Variants in UACA observed in about 807,000 individuals in gnomAD.
UACA encodes uveal autoantigen with coiled-coil domains and ankyrin repeats, also known as nuclear membrane binding protein.
In UACA, 112 loss-of-function variants were observed where a neutral mutation model predicts 160.5. That is an observed-to-expected ratio of 0.70 (90% CI 0.60 to 0.82). The LOEUF (loss-of-function observed/expected upper bound fraction) is 0.82, where lower values mean the gene tolerates loss of function less well. Ranked by LOEUF, UACA falls within the 40% of genes least tolerant of loss-of-function variation. UACA has a pLI of 0.00. For missense variants in UACA, 1,574 were observed against 1,614.6 expected (o/e 0.97, Z 0.43); for synonymous variants, 557 against 568.4 (o/e 0.98, Z 0.29).
chr15:70,670,325 T>C (rs1476515808), intron 15 of UACA, among the ~76,000 whole-genome samples: 2 of 152,152 alleles, frequency 1.3e-5, no homozygotes, highest in African/African-American at 2.4e-5. Context: ...CCACTATGCA[T>C]GCAGATAGCC....
At chr15:70,692,219 G>A (rs764427444) in intron 3 of UACA, among the ~76,000 whole-genome samples, 2 of 152,120 alleles carry the variant, frequency 1.3e-5, no homozygotes, top group Admixed American at 6.6e-5. Context: ...GCAGGCTAGT[G>A]TGCAGCCTCA....
intron 1 of UACA, among the ~76,000 whole-genome samples, chr15:70,746,030 C>G (rs191005229): frequency 1.3e-5 from 2 of 152,112 alleles, no homozygotes; most frequent in Admixed American, 6.5e-5. Context: ...CCATAAAAAC[C>G]CTAGAAGAGA....
intron 9 of UACA, chr15:70,681,882 A>C (rs894787742): frequency 1.3e-5 from 2 of 152,220 alleles, no homozygotes; most frequent in African/African-American, 4.8e-5. Context: ...CTTAAAGCAA[A>C]ATTTTTAAAA....
intron 1 of UACA, among the ~76,000 whole-genome samples, chr15:70,710,880 T>C (rs534349135): frequency 1.3e-5 from 2 of 152,314 alleles, no homozygotes; most frequent in South Asian, 4.1e-4. Context: ...GGAGGCTACA[T>C]TGCATAGGCA....
At chr15:70,702,858 T>C (rs1898413897) in intron 1 of UACA, among the ~76,000 whole-genome samples, 1 of 152,200 alleles carries the variant, frequency 6.6e-6, no homozygotes. Context: ...TTAAATAGAA[T>C]ACATAGTGAT....
At chr15:70,663,784 C>G (rs1362032519) in intron 17 of UACA, among the ~76,000 whole-genome samples, 1 of 147,226 alleles carries the variant, frequency 6.8e-6, no homozygotes, top group Non-Finnish European at 1.5e-5. Context: ...AAACCAAACA[C>G]TGCATGTTCT....
intron 1 of UACA, among the ~76,000 whole-genome samples, chr15:70,737,873 T>A (rs1899417238): frequency 1.3e-5 from 2 of 152,224 alleles, no homozygotes; most frequent in African/African-American, 4.8e-5. Flanking sequence ...TCAGCCACAG[T>A]ACTTACACAG....
the UACA span, among the ~76,000 whole-genome samples, chr15:70,773,168 A>C: frequency 6.6e-6 from 1 of 152,214 alleles, no homozygotes; most frequent in Admixed American, 6.5e-5. Context: ...AGCAGCCAGG[A>C]GAGGATGGTT....
At position 70,666,996 on chromosome 15, in the gene UACA, T is replaced by G; in HGVS notation, c.3688A>C (p.Lys1230Gln). Residue 1230 changes from lysine to glutamine, a missense_variant, in exon 16 of 19, where the codon AAA (lysine) becomes CAA (glutamine). By Grantham distance (53) the Lys-to-Gln change is moderately conservative. Coordinates refer to ENST00000322954, the MANE Select transcript of UACA (RefSeq NM_018003.4). ...GTCTCCAAATCACTTTTTGTTGCTT[T>G]ATATTTAGACAAGTCAACTACCTCT... is the stretch of plus-strand genomic sequence containing the variant. ...TREVVDLSKY[K>Q]ATKSDLETQI... The G allele has an allele frequency of 6.2e-7, 1 of 1,613,082 alleles. No homozygotes were observed. The highest frequency in any genetic ancestry group is 8.5e-7 in the Non-Finnish European group (1 of 1,179,830).
Position 70,682,717 on chromosome 15 carries a change from T to C in UACA, c.822+41A>G, listed in dbSNP as rs371531273. The C allele has an allele frequency of 3.8e-6, 5 of 1,328,958 alleles. No homozygotes were observed. In the African/African-American group the frequency reaches 4.6e-5, roughly 12 times the overall value. 82.3% of individuals were successfully genotyped at this position (1,328,958 alleles called of 1,614,324 possible). ...TAGTTTTACTAAGCACTTTAAACTA[T>C]ACAATACATATAATTATTTAAAATT... On this transcript the variant is annotated intron_variant, in intron 9 of 18. Transcript: ENST00000322954.
upstream of UACA, among the ~76,000 whole-genome samples, chr15:70,767,270 C>CAAAAAAA (rs2031038063): frequency 1.0e-5 from 1 of 100,248 alleles, no homozygotes. Context: ...AAAACAAAAA[C>CAAAAAAA]AAAAACAACA....
In UACA at chr15:70,667,789, G is replaced by A. The variant is rs1372349789; in HGVS notation, c.2895C>T (p.Ala965=). 15 of 1,613,642 alleles carry A rather than the reference G, an allele frequency of 9.3e-6. No individual in the cohort carries two copies. Among genetic ancestry groups the A allele is most frequent in the South Asian group, 3.3e-5 (3 of 91,054 alleles). ...KGQEEIVTLH[A]EIKAQKKELD... Reference sequence around the variant, plus strand: ...GCTCCTTCTTCTGGGCTTTAATTTCGGCATGCAGTGTCACAATCTCTTCTT... The same window carrying A: ...GCTCCTTCTTCTGGGCTTTAATTTCAGCATGCAGTGTCACAATCTCTTCTT... Residue 965 remains alanine, a synonymous_variant, in exon 16 of 19, where the codon GCC becomes GCT. Transcript: ENST00000322954.
At chr15:70,675,656 ACTGT>A (rs1436789469) in intron 13 of UACA, among the ~76,000 whole-genome samples, 8 of 152,180 alleles carry the variant, frequency 5.3e-5, no homozygotes, top group Admixed American at 3.3e-4. Context: ...CTCTTGCAAC[ACTGT>A]CTGTGAGATT....
intron 13 of UACA, 42 bp from the exon 14 acceptor site, chr15:70,672,043 T>C: frequency 1.3e-6 from 2 of 1,556,856 alleles, no homozygotes; most frequent in Admixed American, 1.9e-5. Context: ...GAATGCTGCC[T>C]CATTTTGTTA....
At position 70,664,747 on chromosome 15, in the gene UACA, T is replaced by C. The variant is rs781446308; in HGVS notation, c.4028A>G (p.Tyr1343Cys). ...QALNGLSQLT[Y>C]TSGNPTKRQS... The stretch of plus-strand genomic sequence containing the variant: ...CCTCTTGGTGGGGTTCCCACTTGTG[T>C]AGGTGAGTTGGGAAAGGCCATTGAG... The change falls in exon 17 of 19, where the codon TAC (tyrosine) becomes TGC (cysteine). Residue 1343 changes from tyrosine (Y) to cysteine (C), a missense_variant. Transcript: ENST00000322954. 7.4e-6 allele frequency: 12 copies of C among 1,613,620 alleles called. No homozygotes were observed. The highest frequency in any genetic ancestry group is 6.7e-5 in the African/African-American group (5 of 74,902).
At chr15:70,723,521 T>C (rs1052629323) in intron 1 of UACA, among the ~76,000 whole-genome samples, 14 of 152,210 alleles carry the variant, frequency 9.2e-5, no homozygotes, top group African/African-American at 2.9e-4. Flanking sequence ...TCTCTTTTCA[T>C]AGCGAAGTTC....
At position 70,668,542 on chromosome 15, in the gene UACA, T is replaced by C; in HGVS notation, c.2142A>G (p.Thr714=). 2 of 1,611,846 alleles carry C rather than the reference T, an allele frequency of 1.2e-6. No individual in the cohort carries two copies. The highest frequency in any genetic ancestry group is 1.1e-5 in the South Asian group (1 of 90,472). ...KITELTLKNQ[T]LQKEIEKVYL... is the part of the protein sequence containing the mutation. The stretch of plus-strand genomic sequence containing the variant: ...AAACTTTTTCAATTTCCTTTTGTAG[T>C]GTCTGATTTTTCAATGTTAACTCAG... The change falls in exon 16 of 19, where the codon ACA becomes ACG. Residue 714 remains threonine, a synonymous_variant. Transcript: ENST00000322954.
chr15:70,768,848 A>G, the UACA span, among the ~76,000 whole-genome samples: 1 of 152,226 alleles, frequency 6.6e-6, no homozygotes, highest in South Asian at 2.1e-4. Flanking sequence ...CTATCTCTAT[A>G]GATTTTAAAT....
intron 1 of UACA, among the ~76,000 whole-genome samples, chr15:70,748,474 A>T (rs1270742821): frequency 1.3e-5 from 2 of 152,172 alleles, no homozygotes; most frequent in East Asian, 1.9e-4. Flanking sequence ...GTTAGAAATT[A>T]AAAAGGAATA....
Sources: gnomAD v4.1 joint callset for allele counts (sites outside exome capture counted in the v4.1 genomes callset) on GRCh38, gnomAD v4.1.1 for gene constraint, MANE v1.5 for transcripts, NCBI Gene and HGNC (gene_info 2026-07-23, HGNC 2026-07-21) for gene names.